PCDH17: variants seen among roughly 807,000 people sequenced by gnomAD.
PCDH17 encodes protocadherin-17.
PCDH17 carries 21 observed loss-of-function variants against 67.7 expected under a neutral mutation model. That is an observed-to-expected ratio of 0.31 (90% CI 0.22 to 0.45). PCDH17 has a LOEUF of 0.45. PCDH17 is among the 20% of genes least tolerant of loss of function. The probability of loss-of-function intolerance (pLI) is 1.00; values close to 1 mark genes in which losing one functional copy is unlikely to be tolerated. For missense variants in PCDH17, 1,471 were observed against 1,564.8 expected, an observed-to-expected ratio of 0.94 and a Z score of 1.01; for synonymous variants, 701 against 656.7, an observed-to-expected ratio of 1.07 and a Z score of -1.03.
intron 1 of PCDH17, among the ~76,000 whole-genome samples, chr13:57,645,705 T>C (rs931693038): frequency 6.6e-6 from 1 of 150,968 alleles, no homozygotes; most frequent in African/African-American, 2.4e-5. Flanking sequence ...ATGGTATATA[T>C]AATATATACA....
intron 3 of PCDH17, among the ~76,000 whole-genome samples, chr13:57,682,788 C>A (rs1232075924): frequency 2.0e-5 from 3 of 151,750 alleles, no homozygotes; most frequent in Non-Finnish European, 4.4e-5. Flanking sequence ...TTTAGAGAAC[C>A]TGAAGTTGAT....
intron 3 of PCDH17, among the ~76,000 whole-genome samples, chr13:57,687,235 A>C (rs1955517096): frequency 6.6e-6 from 1 of 152,098 alleles, no homozygotes; most frequent in African/African-American, 2.4e-5. Flanking sequence ...AAAGTAAATT[A>C]CTTCTGAAAC....
At chr13:57,684,638 T>G (rs77453943) in intron 3 of PCDH17, among the ~76,000 whole-genome samples, 1,785 of 152,086 alleles carry the variant, frequency 0.012, 28 homozygotes, top group African/African-American at 0.041. Flanking sequence ...TAACCATCAT[T>G]TTTAAAATGT....
At chr13:57,665,575 G>C (rs1019185827) in intron 1 of PCDH17, among the ~76,000 whole-genome samples, 2 of 152,064 alleles carry the variant, frequency 1.3e-5, no homozygotes, top group Non-Finnish European at 2.9e-5. Flanking sequence ...AGTGATGCAG[G>C]AAACAGGAGA....
chr13:57,641,605 T>TAC (rs1478447462), intron 1 of PCDH17, among the ~76,000 whole-genome samples: 6 of 122,090 alleles, frequency 4.9e-5, no homozygotes, highest in Non-Finnish European at 8.7e-5. Context: ...TATATATATA[T>TAC]ATATATATAT....
At chr13:57,643,571 T>G (rs1027846871) in intron 1 of PCDH17, among the ~76,000 whole-genome samples, 1 of 151,648 alleles carries the variant, frequency 6.6e-6, no homozygotes, top group African/African-American at 2.4e-5. Flanking sequence ...TCTATTTTGC[T>G]CTTGCAGTTT....
intron 3 of PCDH17, among the ~76,000 whole-genome samples, chr13:57,704,665 A>C (rs1337623611): frequency 6.6e-6 from 1 of 151,946 alleles, no homozygotes. Flanking sequence ...ATAATTTGCT[A>C]TGCTACAATA....
intron 3 of PCDH17, among the ~76,000 whole-genome samples, chr13:57,699,110 C>G (rs774690568): frequency 6.6e-6 from 1 of 151,818 alleles, no homozygotes; most frequent in Non-Finnish European, 1.5e-5. Flanking sequence ...AATTACCAGC[C>G]ATGGTACATC....
At chr13:57,690,116 A>ATT (rs76545969) in intron 3 of PCDH17, among the ~76,000 whole-genome samples, 8,024 of 151,786 alleles carry the variant, frequency 0.053, 263 homozygotes, top group Middle Eastern at 0.095. Context: ...CAAAAAGACA[A>ATT]TACTCTTAAG....
intron 3 of PCDH17, among the ~76,000 whole-genome samples, chr13:57,687,820 C>T (rs1955521921): frequency 6.6e-6 from 1 of 152,008 alleles, no homozygotes; most frequent in African/African-American, 2.4e-5. Context: ...CTCTTGTTCC[C>T]CTCTGTCACT....
chr13:57,668,190 T>C (rs1346272770), intron 3 of PCDH17, among the ~76,000 whole-genome samples: 1 of 151,970 alleles, frequency 6.6e-6, no homozygotes, highest in Admixed American at 6.6e-5. Flanking sequence ...TCATGATGGG[T>C]TGTAGCTCTG....
intron 3 of PCDH17, among the ~76,000 whole-genome samples, chr13:57,689,833 G>A (rs1955541378): frequency 6.6e-6 from 1 of 151,520 alleles, no homozygotes; most frequent in Non-Finnish European, 1.5e-5. Flanking sequence ...CCTCTATTCT[G>A]GGAAAAAATA....
chr13:57,672,101 T>C (rs1003624711), intron 3 of PCDH17, among the ~76,000 whole-genome samples: 1 of 152,060 alleles, frequency 6.6e-6, no homozygotes, highest in Non-Finnish European at 1.5e-5. Flanking sequence ...TCAAATCCAA[T>C]TTTTAAAATC....
rs200461423 is a variant in PCDH17, at chr13:57,632,579, A to C, written c.33A>C (p.Leu11=). The part of the protein sequence containing the change: MYLSICCCFL[L]WAPALTLKNL... ...TTTCCATCTGTTGCTGCTTTCTTCT[A>C]TGGGCCCCTGCCCTCACTCTCAAGA... Residue 11 remains leucine, a synonymous_variant, in exon 1 of 4, where the codon CTA becomes CTC. Coordinates refer to ENST00000377918, the MANE Select transcript of PCDH17 (RefSeq NM_001040429.3). 3.1e-6 allele frequency: 5 copies of C among 1,613,716 alleles called. No individual in the cohort carries two copies. The South Asian group carries it at 5.5e-5, about 18-fold the overall frequency.
chr13:57,638,051 T>G (rs1353588260), intron 1 of PCDH17, among the ~76,000 whole-genome samples: 1 of 152,030 alleles, frequency 6.6e-6, no homozygotes, highest in African/African-American at 2.4e-5. Context: ...GATTAGCAAC[T>G]AAATACCCAC....
intron 3 of PCDH17, among the ~76,000 whole-genome samples, chr13:57,696,794 A>G (rs1224579800): frequency 1.3e-5 from 2 of 151,576 alleles, no homozygotes; most frequent in South Asian, 2.1e-4. Context: ...CACAATGAGG[A>G]AAAAGCCTTT....
intron 3 of PCDH17, among the ~76,000 whole-genome samples, chr13:57,708,306 G>C (rs992638797): frequency 1.4e-4 from 22 of 152,004 alleles, no homozygotes; most frequent in African/African-American, 5.3e-4. Context: ...AAAGACAAAT[G>C]AGTTTGGTAA....
chr13:57,634,350 G>A lies in PCDH17; in HGVS notation c.1804G>A (p.Gly602Ser). The change falls in exon 1 of 4, where the codon GGC becomes AGC. Residue 602 changes from glycine to serine, a missense_variant. Coordinates refer to ENST00000377918, the MANE Select transcript of PCDH17 (RefSeq NM_001040429.3). This position sits in a 1 kb window ranked among gnomAD's most constrained non-coding sequence, Gnocchi z 7.8. ...GGAGCTGCAGGTGCCGCGCAACGCT[G>A]GCCTGGGCTATCTGGTGAGCACTGT... ...TAELQVPRNA[G>S]LGYLVSTVRA... The A allele has an allele frequency of 6.2e-7, 1 of 1,612,650 alleles. No individual in the cohort carries two copies.
chr13:57,665,312 A>G (rs1437993103), intron 1 of PCDH17, among the ~76,000 whole-genome samples: 1 of 152,122 alleles, frequency 6.6e-6, no homozygotes, highest in Non-Finnish European at 1.5e-5. Context: ...TATCATTCTT[A>G]ATATGCCTTT....
Sources: gnomAD v4.1 joint callset for allele counts (sites outside exome capture counted in the v4.1 genomes callset) on GRCh38, gnomAD v4.1.1 for gene constraint, Gnocchi (gnomAD v3.1) non-coding constraint, MANE v1.5 for transcripts, NCBI Gene and HGNC (gene_info 2026-07-23, HGNC 2026-07-21) for gene names.